Variants in PHACTR2 observed in about 807,000 individuals in gnomAD.
PHACTR2 encodes the protein phosphatase and actin regulator 2.
A neutral mutation model predicts 76.0 loss-of-function variants in PHACTR2; 30 were observed. The observed-to-expected ratio is 0.39, with a 90% CI of 0.30 to 0.54. The LOEUF (loss-of-function observed/expected upper bound fraction) is 0.54. Ranked by LOEUF, PHACTR2 falls within the 20% of genes least tolerant of loss-of-function variation. PHACTR2 has a pLI of 0.61. For synonymous variants in PHACTR2, 292 were observed against 292.5 expected (o/e 1.00, Z 0.02); for missense variants, 696 against 781.1 (o/e 0.89, Z 1.30).
At chr6:143,614,657 A>G (rs2128438518) in intron 1 of PHACTR2, among the ~76,000 whole-genome samples, 1 of 152,330 alleles carries the variant, frequency 6.6e-6, no homozygotes, top group Non-Finnish European at 1.5e-5. Context: ...CATGATACTT[A>G]ACTTCCATAA....
Position 143,561,391 on chromosome 6 carries a change from G to A in PHACTR2, c.217+24184G>A, listed in dbSNP as rs1177884579. 2 of 152,268 alleles carry A rather than the reference G, an allele frequency of 1.3e-5. No homozygotes were observed. Among genetic ancestry groups the A allele is most frequent in the African/African-American group, 4.8e-5 (2 of 41,456 alleles). 9.4% of individuals were successfully genotyped at this position (152,268 alleles called of 1,614,324 possible). ...GTTTGTTGAATGAATAACTGAATGT[G>A]AGAAGTTGTTGGAGAAGAACGTTCA... On this transcript the variant is annotated intron_variant, in intron 1 of 11. Coordinates refer to the PHACTR2 transcript ENST00000367584. The surrounding 1 kb of genome is among the most constrained non-coding windows in gnomAD (Gnocchi z 4.1).
rs1237917668 is a variant in PHACTR2, at chr6:143,811,399, C to G, written c.1922+4266C>G. 6.6e-6 allele frequency among the ~76,000 whole-genome samples: 1 copy of G among 151,718 alleles called. No homozygotes were observed. The highest frequency in any genetic ancestry group is 1.5e-5 in the Non-Finnish European group (1 of 67,932). ...TTCTATTGGCTATTTTTTTTATTTACTCATCTAGAGAAATTTAGTATATGC... is the reference window on the plus strand; with the variant it reads ...TTCTATTGGCTATTTTTTTTATTTAGTCATCTAGAGAAATTTAGTATATGC... On this transcript the variant is annotated intron_variant, in intron 12 of 12. Transcript: ENST00000440869. The surrounding 1 kb of genome is among the most constrained non-coding windows in gnomAD (Gnocchi z 4.1).
Position 143,678,325 on chromosome 6 carries a change from C to T in PHACTR2, c.46+116C>T. On this transcript the variant is annotated intron_variant, in intron 1 of 12. Transcript: ENST00000440869. The surrounding 1 kb of genome is among the most constrained non-coding windows in gnomAD (Gnocchi z 6.2). Reference sequence around the variant, plus strand: ...GGGTTCCGCTCGGACCCGCCAAGTCCCTCGGAGAAACCCCAGAGGTAGCGC... The same window carrying T: ...GGGTTCCGCTCGGACCCGCCAAGTCTCTCGGAGAAACCCCAGAGGTAGCGC... 1 of 959,924 alleles carries T rather than the reference C, an allele frequency of 1.0e-6. No homozygotes were observed. Among genetic ancestry groups the T allele is most frequent in the East Asian group, 3.3e-5 (1 of 29,938 alleles). The allele number at this position is 959,924 out of a possible 1,614,324, so 59.5% of individuals were successfully genotyped here. A position where few individuals can be genotyped will look rare whatever the true frequency, so the allele number is the denominator to read the frequency against.
Position 143,556,914 on chromosome 6 carries a change from A to G in PHACTR2, c.217+19707A>G, listed in dbSNP as rs1775182412. Among the ~76,000 whole-genome samples the G allele has an allele frequency of 6.6e-6, 1 of 152,188 alleles. No homozygotes were observed. Among genetic ancestry groups the G allele is most frequent in the Non-Finnish European group, 1.5e-5 (1 of 68,032 alleles). On this transcript the variant is annotated intron_variant, in intron 1 of 11. Coordinates refer to the PHACTR2 transcript ENST00000367584. This position sits in a 1 kb window ranked among gnomAD's most constrained non-coding sequence, Gnocchi z 4.3. ...AAATGATGCACAAAGACGTGAGAAG[A>G]TATGCTGCCTGTCTGTCCTCCTCCC...
rs1451536155 is a variant in PHACTR2, at chr6:143,611,129, C to T, written c.13+2807C>T. 1.3e-5 allele frequency among the ~76,000 whole-genome samples: 2 copies of T among 151,622 alleles called. No individual in the cohort carries two copies. Among genetic ancestry groups the T allele is most frequent in the Admixed American group, 1.3e-4 (2 of 15,214 alleles). ...TGAAACACAATTTTTGAAATGTAAT[C>T]CCATATTCTACAGTGCAGAGTACTG... On this transcript the variant is annotated intron_variant, in intron 1 of 11. Transcript: ENST00000305766. This position sits in a 1 kb window ranked among gnomAD's most constrained non-coding sequence, Gnocchi z 4.4.
At position 143,829,586 on chromosome 6, in the gene PHACTR2, A is replaced by G. The variant is rs910146334; in HGVS notation, c.*5897A>G. 1 of 152,206 alleles carries G rather than the reference A, an allele frequency of 6.6e-6. No homozygotes were observed. The highest frequency in any genetic ancestry group is 2.4e-5 in the African/African-American group (1 of 41,448). 9.4% of individuals were successfully genotyped at this position (152,206 alleles called of 1,614,324 possible). Reference sequence around the variant, plus strand: ...CAGTGATGGTCACACACAAAACAAGATGAGTTTTACTTAGGTGAAACATTA... The same window carrying G: ...CAGTGATGGTCACACACAAAACAAGGTGAGTTTTACTTAGGTGAAACATTA... On this transcript the variant is annotated 3_prime_UTR_variant, in exon 13 of 13. Transcript: ENST00000440869.
intron 2 of PHACTR2, among the ~76,000 whole-genome samples, chr6:143,726,943 T>C (rs9376784): frequency 0.33 from 50,828 of 152,174 alleles, 9,412 homozygotes; most frequent in Middle Eastern, 0.44. Flanking sequence ...ATTTCTACCA[T>C]TGGGGACATT....
In PHACTR2 at chr6:143,549,149, G is replaced by T. The variant is rs1414770386; in HGVS notation, c.217+11942G>T. On this transcript the variant is annotated intron_variant, in intron 1 of 11. Coordinates refer to the PHACTR2 transcript ENST00000367584. The surrounding 1 kb of genome is among the most constrained non-coding windows in gnomAD (Gnocchi z 4.2). ...TCCACAGAGCTGTCTGGGCCCCTTT[G>T]GTTTCCATTCAAGGCAGCCCTCAGT... Among the ~76,000 whole-genome samples the T allele has an allele frequency of 6.6e-6, 1 of 151,946 alleles. No individual in the cohort carries two copies. Among genetic ancestry groups the T allele is most frequent in the Non-Finnish European group, 1.5e-5 (1 of 67,924 alleles).
chr6:143,711,111 T>C, intron 1 of PHACTR2: 1 of 507,244 alleles, frequency 2.0e-6, no homozygotes. Flanking sequence ...CCAACCATCG[T>C]TGAGATAATT....
In PHACTR2 at chr6:143,730,034, C is replaced by A. The variant is rs969787352; in HGVS notation, c.214+17851C>A. ...TTTATTCTCTTAATCTGTGTCTATT[C>A]TTTCACCAATATCACACTATCTTGA... On this transcript the variant is annotated intron_variant, in intron 2 of 12. Coordinates refer to ENST00000440869, the MANE Select transcript of PHACTR2 (RefSeq NM_001100164.2). This position sits in a 1 kb window ranked among gnomAD's most constrained non-coding sequence, Gnocchi z 4.8. Among the ~76,000 whole-genome samples, 1 of 152,150 alleles carries A rather than the reference C, an allele frequency of 6.6e-6. No homozygotes were observed. Among genetic ancestry groups the A allele is most frequent in the Non-Finnish European group, 1.5e-5 (1 of 67,996 alleles).
chr6:143,730,667 T>G lies in PHACTR2; in HGVS notation c.215-18318T>G, dbSNP rs559178593. On this transcript the variant is annotated intron_variant, in intron 2 of 12. Transcript: ENST00000440869. This position sits in a 1 kb window ranked among gnomAD's most constrained non-coding sequence, Gnocchi z 4.8. Reference sequence around the variant, plus strand: ...CTTGTACTACAATAGTAAACAGCAGTGTTGAAGGAGATATCCATGCTTTGT... The same window carrying G: ...CTTGTACTACAATAGTAAACAGCAGGGTTGAAGGAGATATCCATGCTTTGT... Among the ~76,000 whole-genome samples the G allele has an allele frequency of 7.9e-5, 12 of 152,140 alleles. No individual in the cohort carries two copies. The highest frequency in any genetic ancestry group is 1.6e-4 in the Non-Finnish European group (11 of 68,034).
At chr6:143,728,200 C>CT (rs769598990) in intron 2 of PHACTR2, among the ~76,000 whole-genome samples, 120 of 131,250 alleles carry the variant, frequency 9.1e-4, no homozygotes, top group Non-Finnish European at 1.4e-3. Flanking sequence ...TCTTTCTTTC[C>CT]TTTTTTTTTT....
At chr6:143,732,980 CT>C (rs1429865307) in intron 2 of PHACTR2, among the ~76,000 whole-genome samples, 1 of 152,150 alleles carries the variant, frequency 6.6e-6, no homozygotes, top group Non-Finnish European at 1.5e-5. Flanking sequence ...CCTCTAACTC[CT>C]GGGCTCAAAG....
At position 143,811,430 on chromosome 6, in the gene PHACTR2, G is replaced by T. The variant is rs1179887849; in HGVS notation, c.1922+4297G>T. Among the ~76,000 whole-genome samples, 4 of 151,766 alleles carry T rather than the reference G, an allele frequency of 2.6e-5. No individual in the cohort carries two copies. The highest frequency in any genetic ancestry group is 7.3e-5 in the African/African-American group (3 of 41,278). On this transcript the variant is annotated intron_variant, in intron 12 of 12. Coordinates refer to ENST00000440869, the MANE Select transcript of PHACTR2 (RefSeq NM_001100164.2). The surrounding 1 kb of genome is among the most constrained non-coding windows in gnomAD (Gnocchi z 4.1). Reference sequence around the variant, plus strand: ...TAGAGAAATTTAGTATATGCTTCTTGTATTTCATAAAAGTCTATTGATATT... The same window carrying T: ...TAGAGAAATTTAGTATATGCTTCTTTTATTTCATAAAAGTCTATTGATATT...
rs1042960427 is a variant in PHACTR2 at position 143,550,182 on chromosome 6, C to T, written c.217+12975C>T. The stretch of plus-strand genomic sequence containing the variant: ...CATATCTAATGTAGACTTTCTCATA[C>T]ACATTCTAACATAGGAATCACCCGG... On this transcript the variant is annotated intron_variant, in intron 1 of 11. Coordinates refer to the PHACTR2 transcript ENST00000367584. The surrounding 1 kb of genome is among the most constrained non-coding windows in gnomAD (Gnocchi z 4.8). Among the ~76,000 whole-genome samples, 16 of 152,146 alleles carry T rather than the reference C, an allele frequency of 1.1e-4. No individual in the cohort carries two copies. Among genetic ancestry groups the T allele is most frequent in the African/African-American group, 3.6e-4 (15 of 41,546 alleles).
rs1253164979 is a variant in PHACTR2, at chr6:143,731,978, G to T, written c.215-17007G>T. Among the ~76,000 whole-genome samples, 1 of 152,198 alleles carries T rather than the reference G, an allele frequency of 6.6e-6. No individual in the cohort carries two copies. Among genetic ancestry groups the T allele is most frequent in the Non-Finnish European group, 1.5e-5 (1 of 68,030 alleles). On this transcript the variant is annotated intron_variant, in intron 2 of 12. Transcript: ENST00000440869. The surrounding 1 kb of genome is among the most constrained non-coding windows in gnomAD (Gnocchi z 4.9). ...CTGGTGCTTTGAAATGGAAAAGAAA[G>T]TGAAACTTTTCCTCTAGATTTCTTT...
In PHACTR2 at chr6:143,597,184, G is replaced by GTTC. The variant is rs1172425909; in HGVS notation, c.217+59977_217+59978insTTC. 1.3e-5 allele frequency among the ~76,000 whole-genome samples: 2 copies of GTTC among 152,218 alleles called. No individual in the cohort carries two copies. Among genetic ancestry groups the GTTC allele is most frequent in the Non-Finnish European group, 2.9e-5 (2 of 68,046 alleles). On this transcript the variant is annotated intron_variant, in intron 1 of 11. Coordinates refer to the PHACTR2 transcript ENST00000367584. This position sits in a 1 kb window ranked among gnomAD's most constrained non-coding sequence, Gnocchi z 5.7. ...ACCCATTGTAGGGAGGGACAGGAAT[G>GTTC]ACTTCCAGGAAGATAGTTGCTCAAC...
At position 143,794,850 on chromosome 6, in the gene PHACTR2, T is replaced by C. The variant is rs929569107; in HGVS notation, c.1845+5940T>C. Among the ~76,000 whole-genome samples, 9 of 152,156 alleles carry C rather than the reference T, an allele frequency of 5.9e-5. No homozygotes were observed. Among genetic ancestry groups the C allele is most frequent in the African/African-American group, 2.2e-4 (9 of 41,430 alleles). ...ACAAAAAATGAGCTTCCTTTCAGCC[T>C]AAAGGAGACATCTTTTTTCTTTCTC... On this transcript the variant is annotated intron_variant, in intron 11 of 12. Coordinates refer to ENST00000440869, the MANE Select transcript of PHACTR2 (RefSeq NM_001100164.2). The surrounding 1 kb of genome is among the most constrained non-coding windows in gnomAD (Gnocchi z 4.1).
intron 1 of PHACTR2, among the ~76,000 whole-genome samples, chr6:143,613,903 A>T (rs2128438346): frequency 6.6e-6 from 1 of 152,316 alleles, no homozygotes; most frequent in African/African-American, 2.4e-5. Context: ...GTTTAACAGC[A>T]TTCAACAGGT....
Sources: gnomAD v4.1 joint callset for allele counts (sites outside exome capture counted in the v4.1 genomes callset) on GRCh38, gnomAD v4.1.1 for gene constraint, Gnocchi (gnomAD v3.1) non-coding constraint, MANE v1.5 for transcripts, NCBI Gene and HGNC (gene_info 2026-07-23, HGNC 2026-07-21) for gene names.